Variants in SHPRH observed in about 807,000 individuals in gnomAD.
SHPRH encodes SNF2 histone linker PHD RING helicase.
SHPRH carries 106 observed loss-of-function variants against 202.5 expected under a neutral mutation model. The ratio of observed to expected loss-of-function variants is 0.52; its 90% CI spans 0.45 to 0.62. The LOEUF is 0.62. Among genes scored for constraint, SHPRH ranks in the 20% least tolerant of loss-of-function variants. SHPRH has a pLI of 0.00. For synonymous variants in SHPRH, 729 were observed against 686.0 expected (o/e 1.06, Z -0.98); for missense variants, 1,710 against 2,020.0 (o/e 0.85, Z 2.94).
In SHPRH at chr6:145,935,091, G is replaced by A. The variant is rs1785923807; in HGVS notation, c.2806C>T (p.Arg936Cys). ...TCCTGGCAGCACACCTCATGCTGACGGTGATAGAAATGCCTTTCCACTGGA... is the reference window on the plus strand; with the variant it reads ...TCCTGGCAGCACACCTCATGCTGACAGTGATAGAAATGCCTTTCCACTGGA... ...FSPVERHFYH[R>C]QHEVCCQDVV... Residue 936 changes from arginine (R) to cysteine (C), a missense_variant, in exon 13 of 30, where the codon CGT becomes TGT. Transcript: ENST00000275233. 3.1e-6 allele frequency: 5 copies of A among 1,613,548 alleles called. No homozygotes were observed. The highest frequency in any genetic ancestry group is 2.2e-5 in the East Asian group (1 of 44,838).
intron 15 of SHPRH, among the ~76,000 whole-genome samples, chr6:145,926,895 G>GA: frequency 6.6e-6 from 1 of 152,002 alleles, no homozygotes; most frequent in East Asian, 1.9e-4. Context: ...ATGTCAAAGT[G>GA]ATAAAACTGA....
chr6:145,889,124 C>A (rs1271790802), intron 28 of SHPRH, among the ~76,000 whole-genome samples: 1 of 152,010 alleles, frequency 6.6e-6, no homozygotes, highest in Non-Finnish European at 1.5e-5. Flanking sequence ...GCACCTGGGA[C>A]AGGAGCTATA....
Position 145,893,214 on chromosome 6 carries a change from C to G in SHPRH, c.4874+1G>C. On this transcript the variant is annotated splice_donor_variant, in intron 28 of 29. Coordinates refer to ENST00000275233, the MANE Select transcript of SHPRH (RefSeq NM_001042683.3). LOFTEE classifies it high-confidence loss of function. ...TGACTGATTCTAATTTTAGTCCTTA[C>G]TTTGTCTGTCCAATTCGGTGCACCC... The G allele has an allele frequency of 6.6e-7, 1 of 1,507,958 alleles. No individual in the cohort carries two copies. Among genetic ancestry groups the G allele is most frequent in the Non-Finnish European group, 8.8e-7 (1 of 1,130,020 alleles). 93.4% of individuals were successfully genotyped at this position (1,507,958 alleles called of 1,614,324 possible).
intron 28 of SHPRH, among the ~76,000 whole-genome samples, chr6:145,891,221 C>A (rs1276190315): frequency 1.3e-5 from 2 of 152,160 alleles, no homozygotes; most frequent in Non-Finnish European, 2.9e-5. Flanking sequence ...ACTCCTGCTT[C>A]TCTCCCTTTT....
rs1267490540 is a variant in SHPRH at position 145,954,807 on chromosome 6, G to C, written c.516C>G (p.Asp172Glu). 1 of 1,613,802 alleles carries C rather than the reference G, an allele frequency of 6.2e-7. No individual in the cohort carries two copies. The highest frequency in any genetic ancestry group is 8.5e-7 in the Non-Finnish European group (1 of 1,179,870). The change falls in exon 2 of 30, where the codon GAC becomes GAG. Residue 172 changes from aspartate to glutamate, a missense_variant. This residue lies in a region of SHPRH where 459 missense variants were observed against 426.5 expected (regional missense o/e 1.08). Transcript: ENST00000275233. ...KQKKEPMSIC[D>E]KGILVESSFS... ...AGGATGACTCCACCAGAATACCCTT[G>C]TCACAAATACTCATCGGTTCTTTTT...
At chr6:145,948,481 T>C in intron 4 of SHPRH, 131 bp from the exon 5 acceptor site, 1 of 591,348 alleles carries the variant, frequency 1.7e-6, no homozygotes, top group Non-Finnish European at 2.8e-6. Context: ...GAAATCTCAT[T>C]CTGGAAAAGC....
At chr6:145,945,159 T>C (rs953220099) in intron 8 of SHPRH, among the ~76,000 whole-genome samples, 1 of 152,214 alleles carries the variant, frequency 6.6e-6, no homozygotes, top group African/African-American at 2.4e-5. Flanking sequence ...ATTTGTTACG[T>C]GCCAAGCATT....
chr6:145,941,603 G>C lies in SHPRH; in HGVS notation c.2490+20C>G, dbSNP rs985671137. ...CACCCTTCTTCCCCAGCCCTCAAAA[G>C]ATTTTGCAGAAACTCTCACTTTTAC... On this transcript the variant is annotated intron_variant, in intron 10 of 29. Transcript: ENST00000275233. 20 of 1,611,252 alleles carry C rather than the reference G, an allele frequency of 1.2e-5. No individual in the cohort carries two copies. Among genetic ancestry groups the C allele is most frequent in the East Asian group, 4.5e-5 (2 of 44,818 alleles).
chr6:145,952,709 C>A (rs1229772323), intron 2 of SHPRH, among the ~76,000 whole-genome samples: 2 of 151,972 alleles, frequency 1.3e-5, no homozygotes, highest in Non-Finnish European at 2.9e-5. Context: ...AAAAAATATT[C>A]CCCTAACTGA....
intron 1 of SHPRH, among the ~76,000 whole-genome samples, chr6:145,959,248 A>G (rs1788831555): frequency 1.3e-5 from 2 of 152,228 alleles, no homozygotes; most frequent in South Asian, 4.1e-4. Flanking sequence ...TGACTAACCC[A>G]GAGCAACCTT....
chr6:145,871,832 C>A (rs1780069987), intron 2 of SHPRH, among the ~76,000 whole-genome samples: 1 of 152,148 alleles, frequency 6.6e-6, no homozygotes, highest in Admixed American at 6.5e-5. Flanking sequence ...TAGCACGGTA[C>A]TGGTACAAAA....
In SHPRH at chr6:145,892,569, TC is replaced by T. The variant is rs201503814; in HGVS notation, c.4874+645del. Among the ~76,000 whole-genome samples the T allele has an allele frequency of 7.1e-3, 1,081 of 151,942 alleles. 10 individuals carry two copies. The highest frequency in any genetic ancestry group is 0.024 in the African/African-American group (996 of 41,428). ...TGCTTATTATGGATGTGTTTTTTTT[TC>T]CTTTTTTAAACATCAAAGACTTCTA... is the stretch of plus-strand genomic sequence containing the variant. On this transcript the variant is annotated intron_variant, in intron 28 of 29. Coordinates refer to ENST00000275233, the MANE Select transcript of SHPRH (RefSeq NM_001042683.3).
intron 25 of SHPRH, chr6:145,905,599 T>C (rs1364694165): frequency 2.6e-5 from 4 of 152,120 alleles, no homozygotes; most frequent in Non-Finnish European, 5.9e-5. Flanking sequence ...GATTACCTCA[T>C]ATAATCCCTA....
At chr6:145,924,714 T>C (rs1489664494) in intron 17 of SHPRH, 25 bp downstream of exon 17, 8 of 1,596,694 alleles carry the variant, frequency 5.0e-6, no homozygotes, top group Middle Eastern at 1.7e-4. Flanking sequence ...CAAATACAAG[T>C]AAGAAACACT....
chr6:145,944,007 A>G (rs1266670393), intron 8 of SHPRH, among the ~76,000 whole-genome samples: 4 of 152,102 alleles, frequency 2.6e-5, no homozygotes, highest in Non-Finnish European at 5.9e-5. Context: ...GGAAGGCTCT[A>G]CAAGTGTCAG....
intron 2 of SHPRH, among the ~76,000 whole-genome samples, chr6:145,874,056 C>T (rs1046754379): frequency 2.0e-5 from 3 of 151,598 alleles, no homozygotes; most frequent in South Asian, 2.1e-4. Flanking sequence ...AAATTAGCGG[C>T]GCATGGTGGA....
At chr6:145,920,449 T>C (rs1389224357) in intron 21 of SHPRH, among the ~76,000 whole-genome samples, 2 of 152,150 alleles carry the variant, frequency 1.3e-5, no homozygotes, top group African/African-American at 4.8e-5. Flanking sequence ...ATGTTATAAA[T>C]GTATTCCCCA....
chr6:145,962,513 G>T (rs1295674806), intron 1 of SHPRH, among the ~76,000 whole-genome samples: 3 of 152,150 alleles, frequency 2.0e-5, no homozygotes, highest in African/African-American at 7.2e-5. Flanking sequence ...AAAACTGCCT[G>T]AACTGTATCT....
At chr6:145,895,055 CT>C in intron 25 of SHPRH, 78 bp from the exon 26 acceptor site, 1 of 1,242,638 alleles carries the variant, frequency 8.0e-7, no homozygotes, top group Non-Finnish European at 1.1e-6. Flanking sequence ...ATACAAAGTA[CT>C]TTTTATTATC....
Sources: gnomAD v4.1 joint callset for allele counts (sites outside exome capture counted in the v4.1 genomes callset) on GRCh38, gnomAD v4.1.1 for gene constraint, gnomAD v4.1.1 regional missense constraint, MANE v1.5 for transcripts, NCBI Gene and HGNC (gene_info 2026-07-23, HGNC 2026-07-21) for gene names.